Variants in CACNA1H observed in about 807,000 individuals in gnomAD.
The protein encoded by CACNA1H is calcium voltage-gated channel subunit alpha1 H.
In CACNA1H, 149 loss-of-function variants were observed where a neutral mutation model predicts 192.5. The observed-to-expected ratio is 0.77, with a 90% CI of 0.68 to 0.89. The LOEUF is 0.89. Among genes scored for constraint, CACNA1H ranks in the 40% least tolerant of loss-of-function variants. CACNA1H has a pLI of 0.00. For synonymous variants in CACNA1H, 2,202 were observed against 1,475.2 expected (o/e 1.49, Z -11.29); for missense variants, 4,257 against 3,423.5 (o/e 1.24, Z -6.08).
chr16:1,187,776 A>G (rs969323708), intron 2 of CACNA1H, among the ~76,000 whole-genome samples: 4 of 152,226 alleles, frequency 2.6e-5, no homozygotes, highest in African/African-American at 7.2e-5. Flanking sequence ...TAGCGCTGCT[A>G]CAGTCCCCTC....
chr16:1,162,836 G>C (rs895314767), intron 2 of CACNA1H, among the ~76,000 whole-genome samples: 1 of 152,210 alleles, frequency 6.6e-6, no homozygotes, highest in African/African-American at 2.4e-5. Flanking sequence ...TATGAGCAGG[G>C]GGTGGGATAG....
intron 2 of CACNA1H, among the ~76,000 whole-genome samples, chr16:1,159,255 C>T (rs1004634997): frequency 6.6e-6 from 1 of 152,166 alleles, no homozygotes; most frequent in Non-Finnish European, 1.5e-5. Context: ...CGGGGCCCCT[C>T]GGACGGTGGG....
intron 21 of CACNA1H, 87 bp downstream of exon 21, chr16:1,211,058 C>T: frequency 6.4e-7 from 1 of 1,555,800 alleles, no homozygotes; most frequent in South Asian, 1.2e-5. Flanking sequence ...CAGTCCTGGG[C>T]TGTTCGCAGG....
chr16:1,179,332 C>G (rs1295940153), intron 2 of CACNA1H, among the ~76,000 whole-genome samples: 1 of 152,188 alleles, frequency 6.6e-6, no homozygotes, highest in East Asian at 1.9e-4. Context: ...GACGGAAACC[C>G]TGGCTGACCA....
At chr16:1,165,231 A>G (rs1036363232) in intron 2 of CACNA1H, among the ~76,000 whole-genome samples, 2 of 152,118 alleles carry the variant, frequency 1.3e-5, no homozygotes, top group African/African-American at 2.4e-5. Flanking sequence ...CACAGGCCCC[A>G]TTGGAGGAAC....
chr16:1,219,183 A>G lies in CACNA1H; in HGVS notation c.6048+53A>G, dbSNP rs72552058. The G allele has an allele frequency of 0.06, 87,029 of 1,457,994 alleles. 3,044 individuals carry two copies. Among genetic ancestry groups the G allele is most frequent in the South Asian group, 0.085 (6,258 of 73,258 alleles). 90.3% of individuals were successfully genotyped at this position (1,457,994 alleles called of 1,614,324 possible). ...AGGCTGGCGGGGATGGGGGGCTTGC[A>G]GGGATGCCTCGTCTCATCTGAAGGA... On this transcript the variant is annotated intron_variant, in intron 34 of 34. Coordinates refer to ENST00000348261, the MANE Select transcript of CACNA1H (RefSeq NM_021098.3).
chr16:1,165,902 G>A (rs969033573), intron 2 of CACNA1H, among the ~76,000 whole-genome samples: 1 of 152,140 alleles, frequency 6.6e-6, no homozygotes, highest in Non-Finnish European at 1.5e-5. Context: ...CTGCTTGGGT[G>A]GTGTGTGGGG....
rs1386732308 is a variant in CACNA1H, at chr16:1,220,838, C to A, written c.6906C>A (p.Pro2302=). ...CTTCCTCTTCAGGGGCCATAGTGCC[C>A]CTGGAACCCCCAGAATCAGAGCCTC... The part of the protein sequence containing the change: ...SRASSSGAIV[P]LEPPESEPPM... Residue 2302 remains proline, a synonymous_variant, in exon 35 of 35, where the codon CCC becomes CCA. Coordinates refer to ENST00000348261, the MANE Select transcript of CACNA1H (RefSeq NM_021098.3). The A allele has an allele frequency of 1.2e-6, 2 of 1,612,770 alleles. No individual in the cohort carries two copies. Among genetic ancestry groups the A allele is most frequent in the Non-Finnish European group, 1.7e-6 (2 of 1,179,792 alleles).
At position 1,158,937 on chromosome 16, in the gene CACNA1H, G is replaced by A. The variant is rs999815009; in HGVS notation, c.299+4901G>A. 3.3e-5 allele frequency among the ~76,000 whole-genome samples: 5 copies of A among 152,152 alleles called. No homozygotes were observed. The East Asian group carries it at 7.7e-4, about 24-fold the overall frequency. On this transcript the variant is annotated intron_variant, in intron 2 of 34. Coordinates refer to ENST00000348261, the MANE Select transcript of CACNA1H (RefSeq NM_021098.3). ...AGAGCCCCCCCGCTCAGCCCGCACC[G>A]CTGGGACCGGGCAGGGGTCTCGGGT...
rs1272362465 is a variant in CACNA1H at position 1,179,411 on chromosome 16, G to A, written c.300-15561G>A. ...GCGAGGTTGGGGAGGTGGGAGAGCC[G>A]ACCGAGCCGCTGCTGAGTGGCTGTT... On this transcript the variant is annotated intron_variant, in intron 2 of 34. Transcript: ENST00000348261. Among the ~76,000 whole-genome samples the A allele has an allele frequency of 3.9e-5, 6 of 152,288 alleles. No homozygotes were observed. In the East Asian group the frequency reaches 5.8e-4, roughly 15 times the overall value.
At chr16:1,179,926 G>A (rs1475145095) in intron 2 of CACNA1H, among the ~76,000 whole-genome samples, 2 of 151,654 alleles carry the variant, frequency 1.3e-5, no homozygotes, top group African/African-American at 4.8e-5. Flanking sequence ...TAGTAGAGAC[G>A]GGGTTTCACC....
chr16:1,174,729 T>C (rs112685039), intron 2 of CACNA1H, among the ~76,000 whole-genome samples: 5 of 152,226 alleles, frequency 3.3e-5, no homozygotes, highest in African/African-American at 1.2e-4. Flanking sequence ...AGCCTTCCTT[T>C]TCCTGCTGGC....
At chr16:1,184,231 AG>A (rs1965758837) in intron 2 of CACNA1H, among the ~76,000 whole-genome samples, 1 of 152,256 alleles carries the variant, frequency 6.6e-6, no homozygotes, top group African/African-American at 2.4e-5. Flanking sequence ...CCCTGAGACC[AG>A]GGAGCAGACC....
intron 2 of CACNA1H, among the ~76,000 whole-genome samples, chr16:1,174,593 C>T: frequency 6.6e-6 from 1 of 152,078 alleles, no homozygotes; most frequent in East Asian, 1.9e-4. Flanking sequence ...GCTGTCTGGG[C>T]CCCTCCCCAA....
At chr16:1,197,399 C>T (rs946983023) in intron 5 of CACNA1H, among the ~76,000 whole-genome samples, 2 of 152,238 alleles carry the variant, frequency 1.3e-5, no homozygotes, top group African/African-American at 2.4e-5. Flanking sequence ...CACACACAGC[C>T]CCTTCCTTCC....
intron 2 of CACNA1H, among the ~76,000 whole-genome samples, chr16:1,164,235 T>C (rs1471440371): frequency 2.0e-5 from 3 of 152,190 alleles, no homozygotes; most frequent in Non-Finnish European, 1.5e-5. Flanking sequence ...CCATGCATGT[T>C]TGAGACGGGC....
rs1965362777 is a variant in CACNA1H at position 1,180,573 on chromosome 16, G to GT, written c.300-14398dup. On this transcript the variant is annotated intron_variant, in intron 2 of 34. Transcript: ENST00000348261. This position sits in a 1 kb window ranked among gnomAD's most constrained non-coding sequence, Gnocchi z 4.4. ...CAGGGGCTGCAGTCACAGCCAGGCC[G>GT]TGGGGGGGCCAGGGAGGAGGGGCTG... is the stretch of plus-strand genomic sequence containing the variant. 6.6e-6 allele frequency among the ~76,000 whole-genome samples: 1 copy of GT among 152,172 alleles called. No individual in the cohort carries two copies. The highest frequency in any genetic ancestry group is 2.4e-5 in the African/African-American group (1 of 41,444).
chr16:1,214,025 T>G, intron 27 of CACNA1H, 94 bp downstream of exon 27: 1 of 1,113,376 alleles, frequency 9.0e-7, no homozygotes. Flanking sequence ...GGCGCTCCGC[T>G]GAGCCCTCGC....
In CACNA1H at chr16:1,215,347, C is replaced by T. The variant is rs1182772693; in HGVS notation, c.5145C>T (p.Arg1715=). Residue 1715 remains arginine, a synonymous_variant, in exon 29 of 35, where the codon CGC becomes CGT. Transcript: ENST00000348261. The part of the protein sequence containing the change: ...AALPINPTII[R]IMRVLRIARV... Reference sequence around the variant, plus strand: ...TGCCCATCAACCCCACCATCATCCGCATCATGCGCGTGCTTCGCATTGCCC... The same window carrying T: ...TGCCCATCAACCCCACCATCATCCGTATCATGCGCGTGCTTCGCATTGCCC... 7.4e-6 allele frequency: 12 copies of T among 1,611,472 alleles called. No homozygotes were observed. Among genetic ancestry groups the T allele is most frequent in the Non-Finnish European group, 1.0e-5 (12 of 1,179,270 alleles).
Sources: allele counts gnomAD v4.1 joint callset (sites outside exome capture counted in the v4.1 genomes callset), GRCh38; gene constraint gnomAD v4.1.1; non-coding constraint Gnocchi (gnomAD v3.1); transcripts MANE v1.5; gene names NCBI Gene and HGNC (gene_info 2026-07-23, HGNC 2026-07-21).